ANKZF1: variants seen among roughly 807,000 people sequenced by gnomAD.
The protein encoded by ANKZF1 is ankyrin repeat and zinc finger peptidyl tRNA hydrolase 1.
A neutral mutation model predicts 86.0 loss-of-function variants in ANKZF1; 84 were observed. The observed-to-expected ratio is 0.98, with a 90% CI of 0.82 to 1.17. The LOEUF (loss-of-function observed/expected upper bound fraction) is 1.17, where lower values mean the gene tolerates loss of function less well. ANKZF1 is among the 50% of genes most tolerant of loss of function. ANKZF1 has a pLI of 0.00. For missense variants in ANKZF1, 893 were observed against 918.4 expected (o/e 0.97, Z 0.36); for synonymous variants, 331 against 354.2 (o/e 0.93, Z 0.74).
chr2:219,232,413 A>G (rs1951069908), intron 4 of ANKZF1, 51 bp downstream of exon 4: 1 of 1,611,464 alleles, frequency 6.2e-7, no homozygotes, highest in African/African-American at 1.3e-5. Context: ...GAGGTATAAG[A>G]AAGCACTAGT....
Position 219,236,018 on chromosome 2 carries a change from GGCTGCAGAGCGCCGACTC to G in ANKZF1, c.1986_2003del (p.Glu663_Ala668del). 6.2e-7 allele frequency: 1 copy of G among 1,614,204 alleles called. No individual in the cohort carries two copies. The highest frequency in any genetic ancestry group is 8.5e-7 in the Non-Finnish European group (1 of 1,180,044). ...CAACTTGTCTCCCTCAGAGAGCTCT[GGCTGCAGAGCGCCGACTC>G]GCTGCCCAGTTGGGAGCCCCTACCT... On this transcript the variant is annotated inframe_deletion, in exon 13 of 14. Coordinates refer to ENST00000323348, the MANE Select transcript of ANKZF1 (RefSeq NM_018089.3).
At position 219,232,569 on chromosome 2, in the gene ANKZF1, G is replaced by A. The variant is rs2106459561; in HGVS notation, c.444G>A (p.Arg148=). The change falls in exon 5 of 14, where the codon AGG becomes AGA. Residue 148 remains arginine (R), a synonymous_variant. Coordinates refer to ENST00000323348, the MANE Select transcript of ANKZF1 (RefSeq NM_018089.3). ...ACTTGCAGACACTGGATCGGGAGAG[G>A]GCTACATTTGAGAAGTTGAGCCGAC... ...EEDLQTLDRE[R]ATFEKLSRPP... 2.5e-6 allele frequency: 4 copies of A among 1,614,170 alleles called. No individual in the cohort carries two copies. The highest frequency in any genetic ancestry group is 2.5e-6 in the Non-Finnish European group (3 of 1,180,032).
chr2:219,235,200 C>T lies in ANKZF1; in HGVS notation c.1579C>T (p.Leu527Phe), dbSNP rs779486619. Residue 527 changes from leucine (L) to phenylalanine (F), a missense_variant, in exon 10 of 14, where the codon CTC becomes TTC. Coordinates refer to ENST00000323348, the MANE Select transcript of ANKZF1 (RefSeq NM_018089.3). ...SPADPRVLSL[L>F]SAPLGSGGFT... ...TGCAGACCCTAGAGTTCTGTCTCTG[C>T]TCAGTGCCCCCTTGGGCTCCGGTGG... The T allele has an allele frequency of 3.1e-6, 5 of 1,614,074 alleles. No individual in the cohort carries two copies. The highest frequency in any genetic ancestry group is 4.2e-6 in the Non-Finnish European group (5 of 1,180,040).
At chr2:219,230,490 C>G in intron 2 of ANKZF1, 85 bp downstream of exon 2, 1 of 1,476,226 alleles carries the variant, frequency 6.8e-7, no homozygotes, top group Non-Finnish European at 9.0e-7. Context: ...ATTGGTATTC[C>G]CGAGCTTAGG....
At position 219,233,062 on chromosome 2, in the gene ANKZF1, G is replaced by A. The variant is rs1308209154; in HGVS notation, c.559-17G>A. Reference sequence around the variant, plus strand: ...TGAATGCAACAGATATGTTTCTGATGCTTCTCTGTCATCAAGGATCCCCCA... The same window carrying A: ...TGAATGCAACAGATATGTTTCTGATACTTCTCTGTCATCAAGGATCCCCCA... On this transcript the variant is annotated splice_polypyrimidine_tract_variant and intron_variant, in intron 5 of 13. Coordinates refer to ENST00000323348, the MANE Select transcript of ANKZF1 (RefSeq NM_018089.3). 6.2e-7 allele frequency: 1 copy of A among 1,606,768 alleles called. No individual in the cohort carries two copies. Among genetic ancestry groups the A allele is most frequent in the Non-Finnish European group, 8.5e-7 (1 of 1,174,210 alleles).
rs1194244755 is a variant in ANKZF1, at chr2:219,234,873, G to A, written c.1252G>A (p.Val418Met). ...EDGFQVELELVELTVGTLDLC... is the reference protein window; with the variant it reads ...EDGFQVELELMELTVGTLDLC... Reference sequence around the variant, plus strand: ...TGGCTTTCAGGTAGAGTTGGAGCTAGTGGAGTTGACTGTGGGGACTCTGGA... The same window carrying A: ...TGGCTTTCAGGTAGAGTTGGAGCTAATGGAGTTGACTGTGGGGACTCTGGA... The change falls in exon 10 of 14, where the codon GTG becomes ATG. Residue 418 changes from valine to methionine, a missense_variant. Transcript: ENST00000323348. 2 of 1,614,016 alleles carry A rather than the reference G, an allele frequency of 1.2e-6. No homozygotes were observed. The highest frequency in any genetic ancestry group is 2.7e-5 in the African/African-American group (2 of 74,950).
rs972186355 is a variant in ANKZF1 at position 219,233,355 on chromosome 2, G to T, written c.741G>T (p.Gly247=). The change falls in exon 7 of 14, where the codon GGG becomes GGT. Residue 247 remains glycine (G), a synonymous_variant. Coordinates refer to ENST00000323348, the MANE Select transcript of ANKZF1 (RefSeq NM_018089.3). ...TVRAKRGTAQ[G]LRDARGGPSH... is the part of the protein sequence containing the mutation. ...GGGCCAAGCGGGGCACAGCCCAGGGGCTTCGGGATGCCCGAGGTGGGCCAT... is the reference window on the plus strand; with the variant it reads ...GGGCCAAGCGGGGCACAGCCCAGGGTCTTCGGGATGCCCGAGGTGGGCCAT... 5.0e-6 allele frequency: 8 copies of T among 1,614,116 alleles called. No individual in the cohort carries two copies. Among genetic ancestry groups the T allele is most frequent in the African/African-American group, 1.3e-5 (1 of 74,944 alleles).
chr2:219,230,630 C>A, intron 2 of ANKZF1: 1 of 440,744 alleles, frequency 2.3e-6, no homozygotes. Context: ...CCATTCCCTT[C>A]AAAAACACTT....
chr2:219,232,086 T>C (rs760915397), intron 3 of ANKZF1, 46 bp downstream of exon 3: 1 of 1,522,558 alleles, frequency 6.6e-7, no homozygotes, highest in South Asian at 1.2e-5. Context: ...AAAAGTGTAA[T>C]GGTGGGTGGG....
intron 9 of ANKZF1, 163 bp downstream of exon 9, chr2:219,234,451 T>C: frequency 2.2e-6 from 2 of 929,436 alleles, no homozygotes; most frequent in Non-Finnish European, 1.7e-6. Context: ...TCCAAATCTA[T>C]TATCTCTTTT....
Position 219,233,840 on chromosome 2 carries a change from A to C in ANKZF1, c.945A>C (p.Gln315His), listed in dbSNP as rs1951121284. ...LFFGGKGAPL[Q>H]RGDPRLWDIP... ...TTGGAGGCAAGGGAGCACCCCTGCA[A>C]AGGGGGGATCCCCGACTTTGGGATA... Residue 315 changes from glutamine (Q) to histidine (H), a missense_variant, in exon 8 of 14, where the codon CAA becomes CAC. Coordinates refer to ENST00000323348, the MANE Select transcript of ANKZF1 (RefSeq NM_018089.3). 1 of 1,613,778 alleles carries C rather than the reference A, an allele frequency of 6.2e-7. No homozygotes were observed. The highest frequency in any genetic ancestry group is 1.7e-5 in the Admixed American group (1 of 59,940).
intron 6 of ANKZF1, 25 bp from the exon 7 acceptor site, chr2:219,233,261 A>T (rs757299901): frequency 6.2e-7 from 1 of 1,614,250 alleles, no homozygotes; most frequent in East Asian, 2.2e-5. Flanking sequence ...GCTGGTCTCC[A>T]GTACTGAGTC....
rs1399717650 is a variant in ANKZF1, at chr2:219,233,865, A to G, written c.970A>G (p.Ile324Val). 2 of 1,612,466 alleles carry G rather than the reference A, an allele frequency of 1.2e-6. No individual in the cohort carries two copies. Among genetic ancestry groups the G allele is most frequent in the African/African-American group, 2.7e-5 (2 of 74,810 alleles). Residue 324 changes from isoleucine (I) to valine (V), a missense_variant, in exon 8 of 14, where the codon ATC becomes GTC. Coordinates refer to ENST00000323348, the MANE Select transcript of ANKZF1 (RefSeq NM_018089.3). ...AAGGGGGGATCCCCGACTTTGGGAT[A>G]TCCCCCTCGCCACCCGCAGACCCAC... is the stretch of plus-strand genomic sequence containing the variant. Reference protein sequence around the residue: ...LQRGDPRLWDIPLATRRPTFQ... With the variant: ...LQRGDPRLWDVPLATRRPTFQ...
rs374251464 is a variant in ANKZF1, at chr2:219,233,880, C to T, written c.985C>T (p.Arg329Cys). The T allele has an allele frequency of 5.3e-5, 86 of 1,610,558 alleles. No individual in the cohort carries two copies. The Admixed American group carries it at 6.2e-4, about 12-fold the overall frequency. Residue 329 changes from arginine to cysteine, a missense_variant, in exon 8 of 14, where the codon CGC becomes TGC. Coordinates refer to ENST00000323348, the MANE Select transcript of ANKZF1 (RefSeq NM_018089.3). ...ACTTTGGGATATCCCCCTCGCCACC[C>T]GCAGACCCACCTTCCAAGAGCTACA... ...PRLWDIPLAT[R>C]RPTFQELQRV...
chr2:219,231,900 T>C, intron 2 of ANKZF1, 28 bp from the exon 3 acceptor site: 1 of 1,591,498 alleles, frequency 6.3e-7, no homozygotes, highest in African/African-American at 1.3e-5. Flanking sequence ...GCTCCCTTTC[T>C]ATGTCCAATT....
chr2:219,232,069 T>C (rs1951056855), intron 3 of ANKZF1, 29 bp downstream of exon 3: 1 of 1,565,744 alleles, frequency 6.4e-7, no homozygotes, highest in South Asian at 1.2e-5. Flanking sequence ...AGCTAGATGT[T>C]AGAAGCAAAA....
chr2:219,231,889 G>A, intron 2 of ANKZF1, 39 bp from the exon 3 acceptor site: 1 of 1,527,580 alleles, frequency 6.5e-7, no homozygotes, highest in Non-Finnish European at 9.1e-7. Flanking sequence ...TGTGGATTTG[G>A]GCTCCCTTTC....
rs1255751364 is a variant in ANKZF1 at position 219,233,919 on chromosome 2, A to C, written c.1024A>C (p.Lys342Gln). ...CCAAGAGCTACAGCGTGTGCTCCAT[A>C]AGCTGACCACTTTGCATGTCTATGG... ...TFQELQRVLH[K>Q]LTTLHVYEED... Residue 342 changes from lysine to glutamine, a missense_variant, in exon 8 of 14, where the codon AAG (lysine) becomes CAG (glutamine). By Grantham distance (53) the Lys-to-Gln change is moderately conservative (BLOSUM62 1). Coordinates refer to ENST00000323348, the MANE Select transcript of ANKZF1 (RefSeq NM_018089.3). The C allele has an allele frequency of 6.3e-7, 1 of 1,588,382 alleles. No individual in the cohort carries two copies. The highest frequency in any genetic ancestry group is 8.6e-7 in the Non-Finnish European group (1 of 1,168,170).
chr2:219,231,978 G>T lies in ANKZF1; in HGVS notation c.199G>T (p.Asp67Tyr). The T allele has an allele frequency of 6.2e-7, 1 of 1,613,792 alleles. No homozygotes were observed. Among genetic ancestry groups the T allele is most frequent in the Non-Finnish European group, 8.5e-7 (1 of 1,179,932 alleles). Residue 67 changes from aspartate to tyrosine, a missense_variant, in exon 3 of 14, where the codon GAT (aspartate) becomes TAT (tyrosine). By Grantham distance (160) the Asp-to-Tyr change is radical. Transcript: ENST00000323348. ...AAGAAAGCTACTCCAGGGTCCTATG[G>T]ATATTTCAGAGAAGTTATTTTGTTC... is the stretch of plus-strand genomic sequence containing the variant. ...PERKLLQGPM[D>Y]ISEKLFCSTC...
Sources: allele counts gnomAD v4.1 joint callset, GRCh38; gene constraint gnomAD v4.1.1; transcripts MANE v1.5; gene names NCBI Gene and HGNC (gene_info 2026-07-23, HGNC 2026-07-21).